Variants in IGSF10 observed in about 807,000 individuals in gnomAD.
IGSF10 encodes the protein calvaria mechanical force protein 608.
A neutral mutation model predicts 128.2 loss-of-function variants in IGSF10; 126 were observed. The ratio of observed to expected loss-of-function variants is 0.98; its 90% CI spans 0.85 to 1.14. IGSF10 has a LOEUF of 1.14. IGSF10 is among the 50% of genes most tolerant of loss of function. The probability of loss-of-function intolerance (pLI) is 0.00; values close to 1 mark genes in which losing one functional copy is unlikely to be tolerated. For missense variants in IGSF10, 3,295 were observed against 3,149.8 expected (o/e 1.05, Z -1.10); for synonymous variants, 1,185 against 1,146.2 (o/e 1.03, Z -0.68).
chr3:151,501,441 A>G, the IGSF10 span, among the ~76,000 whole-genome samples: 1 of 91,024 alleles, frequency 1.1e-5, no homozygotes, highest in African/African-American at 4.2e-5. Flanking sequence ...TGTACTTAGT[A>G]TAAAGCTTGG....
the IGSF10 span, among the ~76,000 whole-genome samples, chr3:151,536,907 G>A: frequency 1.3e-5 from 2 of 152,080 alleles, no homozygotes; most frequent in Admixed American, 6.5e-5. Context: ...AAAGACACAG[G>A]CAAATTACCT....
chr3:151,556,611 A>G, the IGSF10 span, among the ~76,000 whole-genome samples: 1 of 152,178 alleles, frequency 6.6e-6, no homozygotes, highest in African/African-American at 2.4e-5. Context: ...AAAGGAGCAG[A>G]CAGAGTCATG....
intron 6 of IGSF10, among the ~76,000 whole-genome samples, chr3:151,444,394 G>A (rs564724090): frequency 9.9e-5 from 15 of 152,224 alleles, no homozygotes; most frequent in African/African-American, 2.9e-4. Flanking sequence ...TGCAACCTCC[G>A]CCTCCCAGGT....
At chr3:151,523,962 A>AG in the IGSF10 span, among the ~76,000 whole-genome samples, 1 of 152,224 alleles carries the variant, frequency 6.6e-6, no homozygotes, top group Non-Finnish European at 1.5e-5. Flanking sequence ...AATTTACAGG[A>AG]GAAAAACAAA....
At chr3:151,546,345 A>G in the IGSF10 span, among the ~76,000 whole-genome samples, 1 of 151,610 alleles carries the variant, frequency 6.6e-6, no homozygotes, top group South Asian at 2.1e-4. Flanking sequence ...GTTATTTACT[A>G]TTTATGTTTA....
At chr3:151,615,196 C>A in the IGSF10 span, among the ~76,000 whole-genome samples, 3 of 151,482 alleles carry the variant, frequency 2.0e-5, no homozygotes, top group Non-Finnish European at 4.4e-5. Flanking sequence ...TAACTGAAAG[C>A]TACTTCATTT....
chr3:151,466,193 T>C, the IGSF10 span, among the ~76,000 whole-genome samples: 2 of 152,054 alleles, frequency 1.3e-5, no homozygotes, highest in Non-Finnish European at 2.9e-5. Context: ...GCATCAGAAG[T>C]GGGATTCAAA....
chr3:151,547,460 G>A, the IGSF10 span, among the ~76,000 whole-genome samples: 2 of 128,536 alleles, frequency 1.6e-5, no homozygotes, highest in African/African-American at 3.0e-5. Context: ...ACACACACAC[G>A]TTATTCAAAA....
At chr3:151,499,177 G>A in the IGSF10 span, among the ~76,000 whole-genome samples, 13 of 152,140 alleles carry the variant, frequency 8.5e-5, no homozygotes, top group African/African-American at 2.4e-4. Context: ...TAATCTTGTC[G>A]AGAGCATTGG....
Position 151,445,391 on chromosome 3 carries a change from T to C in IGSF10, c.4590A>G (p.Pro1530=). The part of the protein sequence containing the change: ...AEVATSPKVH[P]NAKFTIGTTH... Reference sequence around the variant, plus strand: ...TGGTTCCAATTGTGAACTTGGCATTTGGGTGAACCTTGGGGGATGTTGCAA... The same window carrying C: ...TGGTTCCAATTGTGAACTTGGCATTCGGGTGAACCTTGGGGGATGTTGCAA... The change falls in exon 6 of 8, where the codon CCA becomes CCG. Residue 1530 remains proline, a synonymous_variant. Coordinates refer to ENST00000282466, the MANE Select transcript of IGSF10 (RefSeq NM_178822.5). 6.2e-7 allele frequency: 1 copy of C among 1,614,270 alleles called. No individual in the cohort carries two copies. Among genetic ancestry groups the C allele is most frequent in the Non-Finnish European group, 8.5e-7 (1 of 1,180,054 alleles).
the IGSF10 span, among the ~76,000 whole-genome samples, chr3:151,573,638 G>T: frequency 1.5e-4 from 23 of 152,116 alleles, no homozygotes; most frequent in African/African-American, 5.6e-4. Context: ...ACATGAGACG[G>T]GTCTCCTGAA....
chr3:151,436,643 C>CA lies in IGSF10; in HGVS notation c.*45dup. The CA allele has an allele frequency of 1.4e-6, 2 of 1,394,310 alleles. No homozygotes were observed. Among genetic ancestry groups the CA allele is most frequent in the South Asian group, 1.4e-5 (1 of 72,052 alleles). The allele number at this position is 1,394,310 out of a possible 1,614,324, so 86.4% of individuals were successfully genotyped here. On this transcript the variant is annotated 3_prime_UTR_variant, in exon 8 of 8. Coordinates refer to ENST00000282466, the MANE Select transcript of IGSF10 (RefSeq NM_178822.5). ...TGGCTGCCTTTGATTAAACTTCTTC[C>CA]AAAAAATAAATTCTGCCCAGATGTT... is the stretch of plus-strand genomic sequence containing the variant.
chr3:151,559,096 G>C, the IGSF10 span, among the ~76,000 whole-genome samples: 2 of 152,128 alleles, frequency 1.3e-5, no homozygotes, highest in African/African-American at 4.8e-5. Flanking sequence ...TAACTTCCAA[G>C]TTCTTTGGGC....
At chr3:151,502,489 A>G in the IGSF10 span, among the ~76,000 whole-genome samples, 1 of 152,018 alleles carries the variant, frequency 6.6e-6, no homozygotes, top group Non-Finnish European at 1.5e-5. Flanking sequence ...GCAGATAAAC[A>G]AAAACTCTCT....
the IGSF10 span, among the ~76,000 whole-genome samples, chr3:151,471,236 A>G: frequency 6.6e-6 from 1 of 152,210 alleles, no homozygotes; most frequent in Non-Finnish European, 1.5e-5. Context: ...TTCCCCAGCC[A>G]TGTGGAACTG....
chr3:151,549,178 T>C, the IGSF10 span, among the ~76,000 whole-genome samples: 2,691 of 152,260 alleles, frequency 0.018, 74 homozygotes, highest in African/African-American at 0.061. Flanking sequence ...AGAGGAGTAG[T>C]TGGTTGGTGG....
chr3:151,539,026 A>T, the IGSF10 span, among the ~76,000 whole-genome samples: 1 of 152,206 alleles, frequency 6.6e-6, no homozygotes, highest in African/African-American at 2.4e-5. Flanking sequence ...TTTTAAAAAC[A>T]CTGGAAGAGG....
chr3:151,449,440 T>C (rs899054392), intron 5 of IGSF10, among the ~76,000 whole-genome samples, 175 bp from the exon 6 acceptor site: 1 of 152,258 alleles, frequency 6.6e-6, no homozygotes, highest in East Asian at 1.9e-4. Context: ...TATGTCTGTA[T>C]ACCCTGCTAC....
chr3:151,448,009 A>G lies in IGSF10; in HGVS notation c.1972T>C (p.Phe658Leu). Residue 658 changes from phenylalanine (F) to leucine (L), a missense_variant, in exon 6 of 8, where the codon TTC becomes CTC. Coordinates refer to ENST00000282466, the MANE Select transcript of IGSF10 (RefSeq NM_178822.5). ...CCTTTCATCTTGACTGAAACTTGGA[A>G]AATCAAAAAATCAACCCCTGATGGG... ...ANPSGVDFLI[F>L]QVSVKMKGQR... 1.2e-6 allele frequency: 2 copies of G among 1,614,142 alleles called. No individual in the cohort carries two copies. The highest frequency in any genetic ancestry group is 2.7e-5 in the African/African-American group (2 of 75,022).
Sources: allele counts gnomAD v4.1 joint callset (sites outside exome capture counted in the v4.1 genomes callset), GRCh38; gene constraint gnomAD v4.1.1; transcripts MANE v1.5; gene names NCBI Gene and HGNC (gene_info 2026-07-23, HGNC 2026-07-21).